Variants in ZFHX3 observed in about 807,000 individuals in gnomAD.
ZFHX3 encodes zinc finger homeobox protein 3.
Under a neutral mutation model 279.1 loss-of-function variants are expected in ZFHX3, and 42 were observed. The observed-to-expected ratio is 0.15, with a 90% CI of 0.12 to 0.19. The LOEUF is 0.19. Ranked by LOEUF, ZFHX3 falls within the 10% of genes least tolerant of loss-of-function variation. ZFHX3 has a pLI of 1.00. For missense variants in ZFHX3, 4,981 were observed against 4,754.0 expected (o/e 1.05, Z -1.40); for synonymous variants, 2,293 against 1,957.8 (o/e 1.17, Z -4.52).
chr16:73,881,433 T>TCACA (rs10538063), intron 1 of ZFHX3, among the ~76,000 whole-genome samples: 13 of 101,030 alleles, frequency 1.3e-4, no homozygotes, highest in African/African-American at 3.9e-4. Flanking sequence ...ATGATCACAC[T>TCACA]CACACACACA....
intron 6 of ZFHX3, among the ~76,000 whole-genome samples, chr16:73,135,915 T>C (rs1597173893): frequency 2.0e-5 from 3 of 151,468 alleles, no homozygotes; most frequent in African/African-American, 7.3e-5. Flanking sequence ...TGGAGTACAG[T>C]GGTGCGATCT....
At chr16:73,783,552 G>T (rs1404193067) in intron 1 of ZFHX3, among the ~76,000 whole-genome samples, 1 of 152,206 alleles carries the variant, frequency 6.6e-6, no homozygotes, top group East Asian at 1.9e-4. Context: ...AGGGAAAGTT[G>T]TGACCTATAG....
chr16:73,771,660 A>G (rs998477769), intron 1 of ZFHX3, among the ~76,000 whole-genome samples: 9 of 151,772 alleles, frequency 5.9e-5, no homozygotes, highest in African/African-American at 1.9e-4. Flanking sequence ...TTTCATTTCC[A>G]TTACTATCTC....
intron 2 of ZFHX3, among the ~76,000 whole-genome samples, chr16:73,534,888 A>G (rs942675488): frequency 6.6e-6 from 1 of 151,884 alleles, no homozygotes; most frequent in East Asian, 1.9e-4. Context: ...TCTCACAGTG[A>G]CTCCCCAATC....
chr16:72,944,582 C>CAA (rs1555532477), intron 3 of ZFHX3, among the ~76,000 whole-genome samples: 2 of 151,220 alleles, frequency 1.3e-5, no homozygotes, highest in African/African-American at 4.9e-5. Flanking sequence ...ATGTTACATG[C>CAA]AAAAATAAAA....
chr16:73,701,678 G>A (rs188796092), intron 1 of ZFHX3, among the ~76,000 whole-genome samples: 2 of 152,188 alleles, frequency 1.3e-5, no homozygotes, highest in Non-Finnish European at 2.9e-5. Context: ...AAACGCCTTT[G>A]CCTTCTAATG....
At chr16:73,131,043 G>A in exon 7 of ZFHX3, 1 of 1,262,620 alleles carries the variant, frequency 7.9e-7, no homozygotes. Flanking sequence ...TCCAATCCAG[G>A]TCCTGTCCCT....
At chr16:73,052,962 G>A, upstream of ZFHX3, among the ~76,000 whole-genome samples, 1 of 152,168 alleles carries the variant, frequency 6.6e-6, no homozygotes, top group East Asian at 1.9e-4. Context: ...GCTTTCACAT[G>A]GAGCCAAGTG....
chr16:72,953,298 GAA>G (rs11369582), intron 2 of ZFHX3, among the ~76,000 whole-genome samples: 3 of 138,246 alleles, frequency 2.2e-5, no homozygotes, highest in African/African-American at 5.3e-5. Flanking sequence ...AAAGGAAAAA[GAA>G]AAAAAAAAAA....
chr16:73,798,368 C>T (rs758813284), intron 1 of ZFHX3, among the ~76,000 whole-genome samples: 2 of 151,188 alleles, frequency 1.3e-5, no homozygotes, highest in East Asian at 1.9e-4. Flanking sequence ...GAGAAGTTAA[C>T]AAGGTGGGGG....
At chr16:73,025,221 C>A (rs972404989) in intron 1 of ZFHX3, among the ~76,000 whole-genome samples, 14 of 152,096 alleles carry the variant, frequency 9.2e-5, no homozygotes, top group Non-Finnish European at 1.3e-4. Context: ...TTCCCCTCCC[C>A]ACAACGACCG....
chr16:73,538,170 G>A (rs2019940893), intron 2 of ZFHX3, among the ~76,000 whole-genome samples: 2 of 151,998 alleles, frequency 1.3e-5, no homozygotes, highest in Admixed American at 6.6e-5. Flanking sequence ...TACATATCAC[G>A]TCAATGACTG....
At chr16:73,840,751 C>T (rs1961282196) in intron 1 of ZFHX3, among the ~76,000 whole-genome samples, 1 of 152,164 alleles carries the variant, frequency 6.6e-6, no homozygotes, top group Non-Finnish European at 1.5e-5. Flanking sequence ...TATAAGCTGC[C>T]TTGTATACCA....
chr16:73,254,481 C>T (rs2013604267), intron 5 of ZFHX3, among the ~76,000 whole-genome samples: 1 of 151,796 alleles, frequency 6.6e-6, no homozygotes, highest in Non-Finnish European at 1.5e-5. Context: ...GGTGTGACTA[C>T]AAAGATGTGA....
At chr16:73,671,340 A>C (rs2052901946) in intron 2 of ZFHX3, among the ~76,000 whole-genome samples, 1 of 152,188 alleles carries the variant, frequency 6.6e-6, no homozygotes, top group Non-Finnish European at 1.5e-5. Flanking sequence ...GAGCAAAGCC[A>C]GCATCAGTGG....
chr16:72,831,371 C>T (rs752620880), intron 4 of ZFHX3, among the ~76,000 whole-genome samples: 5 of 152,004 alleles, frequency 3.3e-5, no homozygotes, highest in Non-Finnish European at 7.4e-5. Context: ...AGGTGAAATA[C>T]GGTACTGTTT....
chr16:73,696,044 C>T (rs1213271555), intron 1 of ZFHX3, among the ~76,000 whole-genome samples: 1 of 152,200 alleles, frequency 6.6e-6, no homozygotes, highest in Non-Finnish European at 1.5e-5. Context: ...GCAGCTCAAA[C>T]CCACTGGGGA....
chr16:72,957,997 C>T lies in ZFHX3; in HGVS notation c.2149G>A (p.Glu717Lys), dbSNP rs374181382. 3.7e-6 allele frequency: 6 copies of T among 1,613,762 alleles called. No individual in the cohort carries two copies. Among genetic ancestry groups the T allele is most frequent in the African/African-American group, 1.3e-5 (1 of 75,010 alleles). Residue 717 changes from glutamate (E) to lysine (K), a missense_variant, in exon 2 of 10, where the codon GAG becomes AAG. Glu to Lys is a moderately conservative substitution (Grantham distance 56, BLOSUM62 1). Coordinates refer to ENST00000268489, the MANE Select transcript of ZFHX3 (RefSeq NM_006885.4). ...GQPHPRLARG[E>K]SYTCGYKPFR... Reference sequence around the variant, plus strand: ...GGCTTGTAACCACACGTGTAGCTCTCGCCTCGTGCCAGCCGGGGGTGGGGC... The same window carrying T: ...GGCTTGTAACCACACGTGTAGCTCTTGCCTCGTGCCAGCCGGGGGTGGGGC...
At position 72,954,645 on chromosome 16, in the gene ZFHX3, G is replaced by A. The variant is rs1422137806; in HGVS notation, c.2719+2782C>T. On this transcript the variant is annotated intron_variant, in intron 2 of 9. Coordinates refer to ENST00000268489, the MANE Select transcript of ZFHX3 (RefSeq NM_006885.4). Reference sequence around the variant, plus strand: ...TACTTGGGAAACACACAGCCACCCCGACAAGCAACCCCTTTCTTGGTGCTA... The same window carrying A: ...TACTTGGGAAACACACAGCCACCCCAACAAGCAACCCCTTTCTTGGTGCTA... 3.3e-5 allele frequency among the ~76,000 whole-genome samples: 5 copies of A among 152,274 alleles called. No individual in the cohort carries two copies. In the South Asian group the frequency reaches 6.2e-4, roughly 19 times the overall value.
Sources: allele counts gnomAD v4.1 joint callset (sites outside exome capture counted in the v4.1 genomes callset), GRCh38; gene constraint gnomAD v4.1.1; transcripts MANE v1.5; gene names NCBI Gene and HGNC (gene_info 2026-07-23, HGNC 2026-07-21).